Variants in PLCB1 observed in about 807,000 individuals in gnomAD.
PLCB1 encodes the protein 1-phosphatidylinositol 4,5-bisphosphate phosphodiesterase beta-1.
Under a neutral mutation model 161.8 loss-of-function variants are expected in PLCB1, and 46 were observed. The ratio of observed to expected loss-of-function variants is 0.28; its 90% CI spans 0.22 to 0.36. PLCB1 has a LOEUF of 0.36. Among genes scored for constraint, PLCB1 ranks in the 10% least tolerant of loss-of-function variants. The pLI, the probability that PLCB1 is intolerant of heterozygous loss-of-function variation, is 1.00. For missense variants in PLCB1, 1,016 were observed against 1,472.5 expected (o/e 0.69, Z 5.07); for synonymous variants, 517 against 503.7 (o/e 1.03, Z -0.35).
chr20:8,190,273 TA>T (rs2051953532), intron 2 of PLCB1, among the ~76,000 whole-genome samples: 2 of 152,162 alleles, frequency 1.3e-5, no homozygotes. Context: ...AGTCAGGATG[TA>T]CGAACCACCT....
intron 2 of PLCB1, among the ~76,000 whole-genome samples, chr20:8,326,313 C>T (rs1004333629): frequency 6.6e-6 from 1 of 152,130 alleles, no homozygotes; most frequent in African/African-American, 2.4e-5. Flanking sequence ...TGTTGTTACT[C>T]ATTTCTTTAG....
intron 13 of PLCB1, 74 bp downstream of exon 13, chr20:8,716,422 T>C: frequency 9.7e-7 from 1 of 1,034,454 alleles, no homozygotes; most frequent in Non-Finnish European, 1.5e-6. Context: ...AAAACTTACT[T>C]CCTTTTCATA....
chr20:8,320,566 ATG>A (rs1984864945), intron 2 of PLCB1, among the ~76,000 whole-genome samples: 1 of 152,138 alleles, frequency 6.6e-6, no homozygotes, highest in South Asian at 2.1e-4. Flanking sequence ...GGGTTTCCAT[ATG>A]TGGTCACTGT....
intron 2 of PLCB1, among the ~76,000 whole-genome samples, chr20:8,155,269 T>A (rs2051547365): frequency 6.6e-6 from 1 of 152,240 alleles, no homozygotes; most frequent in Non-Finnish European, 1.5e-5. Flanking sequence ...AATTTATACC[T>A]GCATATTTAG....
At chr20:8,178,970 C>G (rs2051810833) in intron 2 of PLCB1, among the ~76,000 whole-genome samples, 1 of 152,150 alleles carries the variant, frequency 6.6e-6, no homozygotes. Context: ...TCTGGGCTCT[C>G]TATTCGGTTC....
At chr20:8,477,281 T>C (rs1439366216) in intron 3 of PLCB1, among the ~76,000 whole-genome samples, 2 of 152,042 alleles carry the variant, frequency 1.3e-5, no homozygotes, top group East Asian at 3.9e-4. Flanking sequence ...AGCTGTAGAG[T>C]TGCCGCAGCA....
At chr20:8,535,767 T>C (rs1387097449) in intron 3 of PLCB1, among the ~76,000 whole-genome samples, 1 of 152,156 alleles carries the variant, frequency 6.6e-6, no homozygotes, top group Non-Finnish European at 1.5e-5. Context: ...TGAAAAATTA[T>C]TTTGATATAA....
At chr20:8,444,903 T>G (rs989902345) in intron 3 of PLCB1, among the ~76,000 whole-genome samples, 2 of 152,166 alleles carry the variant, frequency 1.3e-5, no homozygotes, top group African/African-American at 2.4e-5. Flanking sequence ...GTTTTTTTTT[T>G]TCTTGTAAAT....
At chr20:8,173,997 C>T (rs2051757944) in intron 2 of PLCB1, among the ~76,000 whole-genome samples, 2 of 152,062 alleles carry the variant, frequency 1.3e-5, no homozygotes, top group African/African-American at 2.4e-5. Context: ...CTCCGGGGAC[C>T]TGTGGAACAA....
chr20:8,726,676 C>A (rs545132049), intron 16 of PLCB1, among the ~76,000 whole-genome samples: 1 of 151,086 alleles, frequency 6.6e-6, no homozygotes, highest in South Asian at 2.1e-4. Context: ...CACTTGGTAA[C>A]CCCCCCTTGA....
At chr20:8,463,759 A>G (rs1490871707) in intron 3 of PLCB1, among the ~76,000 whole-genome samples, 1 of 152,198 alleles carries the variant, frequency 6.6e-6, no homozygotes, top group Admixed American at 6.5e-5. Context: ...GATTCTCTTG[A>G]ATGATAAAAT....
intron 3 of PLCB1, among the ~76,000 whole-genome samples, chr20:8,567,270 A>C (rs1986365658): frequency 6.6e-6 from 1 of 152,168 alleles, no homozygotes; most frequent in Admixed American, 6.5e-5. Flanking sequence ...GTTTTAACTT[A>C]AAGTTAAAAG....
intron 12 of PLCB1, among the ~76,000 whole-genome samples, chr20:8,715,363 G>A (rs984582312): frequency 8.5e-5 from 13 of 152,198 alleles, no homozygotes; most frequent in South Asian, 2.1e-4. Context: ...GGCGGACGCC[G>A]CCTTGTAACA....
chr20:8,295,611 G>T (rs1441632272), intron 2 of PLCB1, among the ~76,000 whole-genome samples: 1 of 152,098 alleles, frequency 6.6e-6, no homozygotes, highest in Admixed American at 6.6e-5. Flanking sequence ...TTTCTAGATT[G>T]ATCTATAGCC....
intron 31 of PLCB1, among the ~76,000 whole-genome samples, chr20:8,837,603 T>C (rs1399809211): frequency 1.3e-5 from 2 of 152,174 alleles, no homozygotes; most frequent in South Asian, 2.1e-4. Context: ...CTTGGTTTAA[T>C]GTAGAGGGAG....
chr20:8,722,463 C>T (rs779538987), intron 15 of PLCB1, 42 bp downstream of exon 15: 1 of 1,406,768 alleles, frequency 7.1e-7, no homozygotes, highest in East Asian at 2.5e-5. Context: ...ATTCCACCAC[C>T]CTGTACTCTC....
intron 31 of PLCB1, among the ~76,000 whole-genome samples, chr20:8,821,748 C>A (rs947261624): frequency 6.6e-6 from 1 of 151,764 alleles, no homozygotes. Flanking sequence ...GCCACTACCC[C>A]GCTCTGTGGG....
chr20:8,265,199 T>A (rs999069883), intron 2 of PLCB1, among the ~76,000 whole-genome samples: 12 of 152,134 alleles, frequency 7.9e-5, no homozygotes, highest in African/African-American at 2.7e-4. Flanking sequence ...ATCTCAATCT[T>A]CTCCTCCATA....
intron 2 of PLCB1, among the ~76,000 whole-genome samples, chr20:8,190,179 A>G (rs1305958019): frequency 6.6e-6 from 1 of 152,132 alleles, no homozygotes; most frequent in East Asian, 1.9e-4. Flanking sequence ...AGTGTACTGC[A>G]GAAGTATGCT....
Sources: allele counts gnomAD v4.1 joint callset (sites outside exome capture counted in the v4.1 genomes callset), GRCh38; gene constraint gnomAD v4.1.1; transcripts MANE v1.5; gene names NCBI Gene and HGNC (gene_info 2026-07-23, HGNC 2026-07-21).